The following CAST variants were observed in gnomAD, a reference collection of about 807,000 sequenced individuals.
CAST encodes the protein calpastatin.
CAST carries 76 observed loss-of-function variants against 119.6 expected under a neutral mutation model. That is an observed-to-expected ratio of 0.64 (90% CI 0.53 to 0.77). The LOEUF is 0.77. Among genes scored for constraint, CAST ranks in the 30% least tolerant of loss-of-function variants. The probability of loss-of-function intolerance (pLI) is 0.00; values close to 1 mark genes in which losing one functional copy is unlikely to be tolerated. For missense variants in CAST, 953 were observed against 946.5 expected (o/e 1.01, Z -0.09); for synonymous variants, 319 against 331.6 (o/e 0.96, Z 0.41).
chr5:95,993,270 G>A, the CAST span, among the ~76,000 whole-genome samples: 78 of 152,282 alleles, frequency 5.1e-4, no homozygotes, highest in Non-Finnish European at 9.7e-4. Context: ...AGAAATTAAT[G>A]TGGATTGTAA....
the CAST span, among the ~76,000 whole-genome samples, chr5:96,388,958 G>T: frequency 3.9e-5 from 6 of 152,152 alleles, no homozygotes; most frequent in East Asian, 1.2e-3. Flanking sequence ...ATAAATGAAT[G>T]AACCTAGAGT....
the CAST span, among the ~76,000 whole-genome samples, chr5:96,495,336 G>A: frequency 3.2e-4 from 48 of 152,078 alleles, no homozygotes; most frequent in African/African-American, 1.1e-3. Flanking sequence ...GCGCCATGGT[G>A]GTCTGCTGCA....
chr5:96,153,370 G>C, the CAST span, among the ~76,000 whole-genome samples: 1 of 152,146 alleles, frequency 6.6e-6, no homozygotes, highest in Non-Finnish European at 1.5e-5. Flanking sequence ...TGAGACCTCT[G>C]TCCCAACGCA....
the CAST span, among the ~76,000 whole-genome samples, chr5:96,227,804 G>A: frequency 1.3e-5 from 2 of 151,896 alleles, no homozygotes; most frequent in Non-Finnish European, 2.9e-5. Flanking sequence ...CTTTTCCCTC[G>A]TGTGTCTTCC....
At chr5:96,120,571 T>G in the CAST span, among the ~76,000 whole-genome samples, 1 of 151,224 alleles carries the variant, frequency 6.6e-6, no homozygotes, top group Non-Finnish European at 1.5e-5. Flanking sequence ...CCCTGTGCCC[T>G]GCTATCACCC....
At chr5:96,564,541 A>G (rs1285415196) in intron 1 of CAST, among the ~76,000 whole-genome samples, 1 of 152,252 alleles carries the variant, frequency 6.6e-6, no homozygotes, top group Non-Finnish European at 1.5e-5. Context: ...ACCTTGCTGT[A>G]ACGGAAGTCC....
chr5:96,520,121 TC>T, the CAST span, among the ~76,000 whole-genome samples: 2 of 152,220 alleles, frequency 1.3e-5, no homozygotes, highest in Non-Finnish European at 2.9e-5. Context: ...TACTTGAGAC[TC>T]CCTCAAAACC....
At chr5:96,556,498 G>A (rs1227366127) in intron 1 of CAST, among the ~76,000 whole-genome samples, 1 of 152,196 alleles carries the variant, frequency 6.6e-6, no homozygotes, top group Non-Finnish European at 1.5e-5. Context: ...AATAACCAAT[G>A]CAGAGAAGTC....
chr5:96,556,135 C>T (rs560624722), intron 1 of CAST, among the ~76,000 whole-genome samples: 50 of 152,326 alleles, frequency 3.3e-4, no homozygotes, highest in Non-Finnish European at 6.0e-4. Context: ...TCCAACAGAC[C>T]TGCAGCTGAG....
chr5:96,102,123 G>A, the CAST span, among the ~76,000 whole-genome samples: 1 of 152,178 alleles, frequency 6.6e-6, no homozygotes, highest in Non-Finnish European at 1.5e-5. Flanking sequence ...CTCCAGGGAG[G>A]GCAAAGGGCC....
At chr5:96,601,500 G>A (rs1347340827) in intron 1 of CAST, among the ~76,000 whole-genome samples, 1 of 152,096 alleles carries the variant, frequency 6.6e-6, no homozygotes, top group African/African-American at 2.4e-5. Context: ...AAATCCCTCT[G>A]GAGATTCAAG....
intron 1 of CAST, among the ~76,000 whole-genome samples, chr5:96,597,273 T>G (rs1011279064): frequency 6.6e-6 from 1 of 152,236 alleles, no homozygotes; most frequent in Non-Finnish European, 1.5e-5. Flanking sequence ...TCAAGGAATT[T>G]ATCCATCTGC....
At chr5:96,174,746 T>C in the CAST span, among the ~76,000 whole-genome samples, 1 of 152,210 alleles carries the variant, frequency 6.6e-6, no homozygotes. Flanking sequence ...TAAGTAAAAA[T>C]GTGTTTTTAT....
the CAST span, among the ~76,000 whole-genome samples, chr5:96,383,008 G>A: frequency 1.3e-5 from 2 of 152,160 alleles, no homozygotes; most frequent in Non-Finnish European, 2.9e-5. Flanking sequence ...TACAAGACAC[G>A]GTGCTAATCT....
the CAST span, among the ~76,000 whole-genome samples, chr5:96,053,061 C>G: frequency 2.0e-5 from 3 of 152,268 alleles, no homozygotes; most frequent in African/African-American, 7.2e-5. Flanking sequence ...AGCCCATGCT[C>G]TCATTTCAAA....
the CAST span, among the ~76,000 whole-genome samples, chr5:96,013,952 C>T: frequency 6.6e-6 from 1 of 151,832 alleles, no homozygotes; most frequent in African/African-American, 2.4e-5. Context: ...TTAAGCTATA[C>T]CAAATTTATT....
At chr5:96,326,101 C>G in the CAST span, among the ~76,000 whole-genome samples, 9 of 152,302 alleles carry the variant, frequency 5.9e-5, no homozygotes, top group South Asian at 6.2e-4. Context: ...TTCCCCACCC[C>G]CTATTACCTG....
chr5:96,145,666 T>A, the CAST span, among the ~76,000 whole-genome samples: 1 of 152,226 alleles, frequency 6.6e-6, no homozygotes, highest in East Asian at 1.9e-4. Flanking sequence ...ACTTTAATAG[T>A]ACTTTTCAAA....
the CAST span, among the ~76,000 whole-genome samples, chr5:96,074,974 T>A: frequency 1.3e-5 from 2 of 152,204 alleles, no homozygotes; most frequent in Admixed American, 1.3e-4. Context: ...GATACCTTTT[T>A]CTTTAGGCTG....
Sources: allele counts gnomAD v4.1 joint callset (sites outside exome capture counted in the v4.1 genomes callset), GRCh38; gene constraint gnomAD v4.1.1; transcripts MANE v1.5; gene names NCBI Gene and HGNC (gene_info 2026-07-23, HGNC 2026-07-21).